DNM3: variants seen among roughly 807,000 people sequenced by gnomAD.
DNM3 encodes the protein dynamin 3.
DNM3 carries 47 observed loss-of-function variants against 101.6 expected under a neutral mutation model. That is an observed-to-expected ratio of 0.46 (90% CI 0.37 to 0.59). DNM3 has a LOEUF of 0.59. DNM3 is among the 20% of genes least tolerant of loss of function. DNM3 has a pLI of 0.00. For synonymous variants in DNM3, 385 were observed against 387.9 expected (o/e 0.99, Z 0.09); for missense variants, 849 against 1,085.7 (o/e 0.78, Z 3.06).
intron 17 of DNM3, among the ~76,000 whole-genome samples, chr1:172,367,338 T>C (rs879093720): frequency 1.3e-5 from 2 of 151,706 alleles, no homozygotes; most frequent in Admixed American, 1.3e-4. Flanking sequence ...TAGACCAGCA[T>C]TACAAAAATT....
At chr1:172,319,740 T>G (rs1409265855) in intron 16 of DNM3, among the ~76,000 whole-genome samples, 2 of 152,238 alleles carry the variant, frequency 1.3e-5, no homozygotes, top group Non-Finnish European at 2.9e-5. Context: ...CAACAGATGC[T>G]GGAGAGCATG....
At chr1:171,998,970 G>A (rs2046191670) in intron 4 of DNM3, among the ~76,000 whole-genome samples, 1 of 152,090 alleles carries the variant, frequency 6.6e-6, no homozygotes, top group East Asian at 1.9e-4. Flanking sequence ...AGAGAGGTAG[G>A]CAGGGCCCAG....
intron 1 of DNM3, among the ~76,000 whole-genome samples, chr1:171,909,792 A>T (rs897686578): frequency 6.6e-6 from 1 of 152,230 alleles, no homozygotes; most frequent in Non-Finnish European, 1.5e-5. Flanking sequence ...ACAATTAGAG[A>T]TGCGTCAGTG....
At chr1:172,083,633 G>T (rs1203466190) in intron 12 of DNM3, among the ~76,000 whole-genome samples, 1 of 152,046 alleles carries the variant, frequency 6.6e-6, no homozygotes, top group Non-Finnish European at 1.5e-5. Context: ...ATTTAGAAAG[G>T]TTCAAATTTA....
chr1:172,166,513 T>C (rs655853), intron 14 of DNM3, among the ~76,000 whole-genome samples: 88,198 of 151,842 alleles, frequency 0.58, 28,014 homozygotes, highest in African/African-American at 0.85. Flanking sequence ...ACTGCCAATT[T>C]GATTATCTCT....
intron 4 of DNM3, among the ~76,000 whole-genome samples, chr1:172,011,451 T>C (rs181415575): frequency 8.5e-4 from 130 of 152,132 alleles, no homozygotes; most frequent in African/African-American, 2.9e-3. Context: ...TCCATCGATG[T>C]CTCCTCAATT....
chr1:171,859,921 G>A (rs2033998381), intron 1 of DNM3, among the ~76,000 whole-genome samples: 1 of 152,164 alleles, frequency 6.6e-6, no homozygotes, highest in Admixed American at 6.6e-5. Context: ...AGAAGTCTGT[G>A]TGTTGGAGGA....
intron 17 of DNM3, among the ~76,000 whole-genome samples, chr1:172,330,328 T>C (rs72723204): frequency 0.16 from 24,615 of 152,026 alleles, 2,398 homozygotes; most frequent in East Asian, 0.25. Flanking sequence ...AATATAAAGA[T>C]ATATATATAG....
intron 14 of DNM3, among the ~76,000 whole-genome samples, chr1:172,219,644 G>A (rs575452521): frequency 1.4e-4 from 21 of 152,148 alleles, no homozygotes; most frequent in African/African-American, 4.6e-4. Flanking sequence ...TTTTTAGAAC[G>A]CAAAAGACTC....
chr1:172,314,501 G>A (rs2065227602), intron 16 of DNM3, among the ~76,000 whole-genome samples: 1 of 152,178 alleles, frequency 6.6e-6, no homozygotes, highest in Non-Finnish European at 1.5e-5. Flanking sequence ...AGGGGTGACA[G>A]ACGGCACCTG....
At chr1:171,937,285 T>G (rs2041499956) in intron 2 of DNM3, among the ~76,000 whole-genome samples, 1 of 152,196 alleles carries the variant, frequency 6.6e-6, no homozygotes, top group South Asian at 2.1e-4. Context: ...TATGTTTTTT[T>G]TTTTCCATTG....
chr1:172,095,312 T>A (rs2054172991), intron 13 of DNM3, among the ~76,000 whole-genome samples: 1 of 152,176 alleles, frequency 6.6e-6, no homozygotes, highest in Non-Finnish European at 1.5e-5. Context: ...AAATAAAAGA[T>A]AAATCCTCTC....
intron 14 of DNM3, among the ~76,000 whole-genome samples, chr1:172,181,453 C>G (rs902121605): frequency 6.6e-6 from 1 of 151,646 alleles, no homozygotes; most frequent in African/African-American, 2.4e-5. Context: ...CTATATATAT[C>G]TTGCTATTAG....
intron 14 of DNM3, among the ~76,000 whole-genome samples, chr1:172,210,091 T>G (rs112676096): frequency 0.016 from 2,492 of 152,152 alleles, 38 homozygotes; most frequent in Non-Finnish European, 0.026. Context: ...TTAATTCTTG[T>G]AACAAAGATG....
In DNM3 at chr1:172,322,467, A is replaced by T. The variant is rs547960049; in HGVS notation, c.1882-862A>T. 1.4e-3 allele frequency among the ~76,000 whole-genome samples: 206 copies of T among 152,280 alleles called. 1 individual carries two copies. The highest frequency in any genetic ancestry group is 4.8e-3 in the African/African-American group (198 of 41,556). On this transcript the variant is annotated intron_variant, in intron 16 of 20. Transcript: ENST00000627582. ...TAATGAATCACCGTCTTATTTTTTT[A>T]GGCCATATGTGAGTTAAATTGTTTG...
chr1:171,901,068 G>A (rs1398532913), intron 1 of DNM3, among the ~76,000 whole-genome samples: 2 of 136,040 alleles, frequency 1.5e-5, no homozygotes, highest in Non-Finnish European at 3.0e-5. Flanking sequence ...AGCCGAGAGC[G>A]CGCCACTGCA....
chr1:172,233,549 C>A (rs1557857203), intron 14 of DNM3, among the ~76,000 whole-genome samples: 1 of 152,162 alleles, frequency 6.6e-6, no homozygotes, highest in Non-Finnish European at 1.5e-5. Flanking sequence ...ATGAGTCCAG[C>A]ATCATCCTGA....
At chr1:172,207,852 T>C (rs1255428926) in intron 14 of DNM3, among the ~76,000 whole-genome samples, 2 of 152,068 alleles carry the variant, frequency 1.3e-5, no homozygotes, top group African/African-American at 2.4e-5. Context: ...TACAAAAATA[T>C]ATCATAGTAT....
chr1:172,064,954 T>C (rs926204961), intron 10 of DNM3, among the ~76,000 whole-genome samples: 4 of 152,326 alleles, frequency 2.6e-5, no homozygotes, highest in South Asian at 2.1e-4. Flanking sequence ...AGGTACAAAA[T>C]TGTGGCTCTT....
Sources: allele counts gnomAD v4.1 joint callset (sites outside exome capture counted in the v4.1 genomes callset), GRCh38; gene constraint gnomAD v4.1.1; transcripts MANE v1.5; gene names NCBI Gene and HGNC (gene_info 2026-07-23, HGNC 2026-07-21).